The following ZNF169 variants were observed in gnomAD, a reference collection of about 807,000 sequenced individuals.
The protein encoded by ZNF169 is zinc finger protein 169.
In ZNF169, 11 loss-of-function variants were observed where a neutral mutation model predicts 12.0. The observed-to-expected ratio is 0.92, with a 90% CI of 0.58 to 1.52. The LOEUF is 1.52. Ranked by LOEUF, ZNF169 falls within the 40% of genes most tolerant of loss-of-function variation. The probability of loss-of-function intolerance (pLI) is 0.00; values close to 1 mark genes in which losing one functional copy is unlikely to be tolerated. For missense variants in ZNF169, 722 were observed against 744.0 expected, an observed-to-expected ratio of 0.97 and a Z score of 0.34; for synonymous variants, 302 against 286.5, an observed-to-expected ratio of 1.05 and a Z score of -0.55.
At chr9:94,277,001 C>T (rs1830532336) in intron 1 of ZNF169, among the ~76,000 whole-genome samples, 1 of 152,098 alleles carries the variant, frequency 6.6e-6, no homozygotes, top group Admixed American at 6.6e-5. Context: ...GTCCTGAGAA[C>T]ATGTACCCAA....
At position 94,276,021 on chromosome 9, in the gene ZNF169, G is replaced by A. The variant is rs951873873; in HGVS notation, c.-55-2737G>A. Reference sequence around the variant, plus strand: ...ACTCCTGACCTCAAGTGATACACCCGCCTCAGCCACCTCTCAAAGTGCTGG... The same window carrying A: ...ACTCCTGACCTCAAGTGATACACCCACCTCAGCCACCTCTCAAAGTGCTGG... On this transcript the variant is annotated intron_variant, in intron 1 of 4. Transcript: ENST00000395395. Among the ~76,000 whole-genome samples, 6 of 151,964 alleles carry A rather than the reference G, an allele frequency of 3.9e-5. No homozygotes were observed. In the East Asian group the frequency reaches 5.8e-4, roughly 15 times the overall value.
At chr9:94,283,721 A>C (rs772028763) in intron 2 of ZNF169, among the ~76,000 whole-genome samples, 1 of 152,194 alleles carries the variant, frequency 6.6e-6, no homozygotes, top group Non-Finnish European at 1.5e-5. Context: ...ACTAAAGGAA[A>C]TGAAGTCAAC....
At chr9:94,276,423 C>A (rs983872700) in intron 1 of ZNF169, among the ~76,000 whole-genome samples, 2 of 152,080 alleles carry the variant, frequency 1.3e-5, no homozygotes, top group Admixed American at 6.5e-5. Flanking sequence ...CGCCACCACA[C>A]CCAGCAAATT....
At chr9:94,263,934 G>A (rs1266974554) in intron 1 of ZNF169, among the ~76,000 whole-genome samples, 1 of 151,008 alleles carries the variant, frequency 6.6e-6, no homozygotes, top group Non-Finnish European at 1.5e-5. Flanking sequence ...TTTAGTGCCT[G>A]CTTTAGAGAT....
intron 1 of ZNF169, among the ~76,000 whole-genome samples, chr9:94,264,587 G>A (rs1449558651): frequency 6.6e-6 from 1 of 152,134 alleles, no homozygotes; most frequent in Non-Finnish European, 1.5e-5. Context: ...CTCTTACAGG[G>A]CAGGTCTGCT....
At chr9:94,293,362 T>C (rs1830887545) in intron 4 of ZNF169, 1 of 596,444 alleles carries the variant, frequency 1.7e-6, no homozygotes, top group Non-Finnish European at 3.0e-6. Context: ...GTTGGCATGA[T>C]CTTCAAAACA....
chr9:94,299,909 A>G lies in ZNF169; in HGVS notation c.351A>G (p.Thr117=), dbSNP rs1831020675. 6.2e-7 allele frequency: 1 copy of G among 1,614,166 alleles called. No individual in the cohort carries two copies. Among genetic ancestry groups the G allele is most frequent in the South Asian group, 1.1e-5 (1 of 91,084 alleles). The change falls in exon 5 of 5, where the codon ACA becomes ACG. Residue 117 remains threonine (T), a synonymous_variant. Coordinates refer to ENST00000395395, the MANE Select transcript of ZNF169 (RefSeq NM_194320.4). ...LRQYALSGHP[T]QIFPSSSAGG... ...AATATGCGCTAAGTGGCCATCCCAC[A>G]CAGATCTTCCCAAGCTCATCTGCAG...
At chr9:94,275,824 C>T (rs1246814637) in intron 1 of ZNF169, among the ~76,000 whole-genome samples, 1 of 151,036 alleles carries the variant, frequency 6.6e-6, no homozygotes, top group African/African-American at 2.4e-5. Flanking sequence ...CACTGTCACC[C>T]AGGCTGGAGT....
At position 94,300,617 on chromosome 9, in the gene ZNF169, A is replaced by T; in HGVS notation, c.1059A>T (p.Arg353Ser). Residue 353 changes from arginine to serine, a missense_variant, in exon 5 of 5, where the codon AGA becomes AGT. Arg to Ser is a moderately radical substitution (Grantham distance 110). Coordinates refer to ENST00000395395, the MANE Select transcript of ZNF169 (RefSeq NM_194320.4). ...EKPFVCPECG[R>S]GFCQKASLLQ... The stretch of plus-strand genomic sequence containing the variant: ...CCTTCGTGTGTCCTGAGTGTGGGAG[A>T]GGCTTTTGCCAGAAGGCATCACTCC... The T allele has an allele frequency of 6.2e-7, 1 of 1,613,770 alleles. No individual in the cohort carries two copies. The highest frequency in any genetic ancestry group is 1.1e-5 in the South Asian group (1 of 91,064).
At chr9:94,283,791 G>C (rs567288324) in intron 2 of ZNF169, among the ~76,000 whole-genome samples, 3 of 152,044 alleles carry the variant, frequency 2.0e-5, no homozygotes, top group Non-Finnish European at 4.4e-5. Flanking sequence ...ATATGAGGCC[G>C]GGTGCGGTGG....
intron 4 of ZNF169, chr9:94,295,853 G>A (rs574159177): frequency 6.6e-6 from 1 of 152,244 alleles, no homozygotes; most frequent in South Asian, 2.1e-4. Flanking sequence ...GCAAGTTTTT[G>A]TGTGAATATA....
chr9:94,293,001 T>C lies in ZNF169; in HGVS notation c.188T>C (p.Ile63Thr), dbSNP rs751398855. ...ATTGCATTTTCCAAACCAAAACTCA[T>C]CGAACAGCTGGAGCAAGGCGACGAA... ...LGIAFSKPKL[I>T]EQLEQGDEPW... The change falls in exon 4 of 5, where the codon ATC becomes ACC. Residue 63 changes from isoleucine (I) to threonine (T), a missense_variant. Coordinates refer to ENST00000395395, the MANE Select transcript of ZNF169 (RefSeq NM_194320.4). 5.0e-6 allele frequency: 8 copies of C among 1,613,164 alleles called. No individual in the cohort carries two copies. The highest frequency in any genetic ancestry group is 5.9e-6 in the Non-Finnish European group (7 of 1,179,580).
At chr9:94,291,930 A>T (rs1468715003) in intron 2 of ZNF169, among the ~76,000 whole-genome samples, 1 of 152,270 alleles carries the variant, frequency 6.6e-6, no homozygotes, top group Non-Finnish European at 1.5e-5. Context: ...TGGGAATCCT[A>T]TCAAAATTTC....
chr9:94,299,309 C>A, intron 4 of ZNF169: 1 of 401,376 alleles, frequency 2.5e-6, no homozygotes, highest in Non-Finnish European at 4.4e-6. Context: ...GTATCTCTTG[C>A]TACAGCTTAT....
intron 1 of ZNF169, among the ~76,000 whole-genome samples, chr9:94,265,058 T>G (rs1021192426): frequency 5.7e-5 from 8 of 140,842 alleles, no homozygotes; most frequent in Non-Finnish European, 1.1e-4. Flanking sequence ...TCTTAGGTAC[T>G]TTGGGAATTG....
intron 2 of ZNF169, chr9:94,288,462 A>T (rs1830761203): frequency 3.9e-6 from 4 of 1,017,684 alleles, no homozygotes; most frequent in Non-Finnish European, 6.0e-6. Flanking sequence ...TTGTTTTCAA[A>T]TCAAGCTTTA....
At chr9:94,288,585 G>T in intron 2 of ZNF169, 1 of 435,670 alleles carries the variant, frequency 2.3e-6, no homozygotes. Flanking sequence ...CTCAGAGGCA[G>T]CTATGACAGG....
At chr9:94,260,780 G>GA (rs1207538841) in intron 1 of ZNF169, among the ~76,000 whole-genome samples, 2 of 151,754 alleles carry the variant, frequency 1.3e-5, no homozygotes, top group East Asian at 3.9e-4. Flanking sequence ...GGAGGTGGGG[G>GA]AAGAAGTTGG....
intron 2 of ZNF169, among the ~76,000 whole-genome samples, chr9:94,284,614 A>G (rs1830690600): frequency 6.6e-6 from 1 of 152,206 alleles, no homozygotes; most frequent in African/African-American, 2.4e-5. Context: ...GCAATGAACT[A>G]TCTGAACAGG....
Sources: allele counts gnomAD v4.1 joint callset (sites outside exome capture counted in the v4.1 genomes callset), GRCh38; gene constraint gnomAD v4.1.1; transcripts MANE v1.5; gene names NCBI Gene and HGNC (gene_info 2026-07-23, HGNC 2026-07-21).